SAMMSON: variants seen among roughly 807,000 people sequenced by gnomAD.
The protein encoded by SAMMSON is long intergenic non-protein coding RNA 1212.
At chr3:70,097,221 A>G (rs17006735) in intron 4 of SAMMSON, among the ~76,000 whole-genome samples, 2,072 of 152,320 alleles carry the variant, frequency 0.014, 45 homozygotes, top group African/African-American at 0.047. Flanking sequence ...AGCAGTCAGA[A>G]TTGTTGTTCA....
At chr3:70,159,499 C>T (rs1466205828) in intron 4 of SAMMSON, 1 of 152,050 alleles carries the variant, frequency 6.6e-6, no homozygotes, top group Non-Finnish European at 1.5e-5. Context: ...TTGTACCATT[C>T]ATACATTGAT....
At chr3:70,337,071 CTAA>C in intron 7 of SAMMSON, among the ~76,000 whole-genome samples, 1 of 77,988 alleles carries the variant, frequency 1.3e-5, no homozygotes, top group Admixed American at 1.3e-4. Flanking sequence ...ATAATAATAT[CTAA>C]CTTAATATTC....
At chr3:70,353,080 T>A (rs1209588779) in intron 7 of SAMMSON, among the ~76,000 whole-genome samples, 2 of 151,956 alleles carry the variant, frequency 1.3e-5, no homozygotes, top group Non-Finnish European at 2.9e-5. Context: ...TATTTAAAAT[T>A]TATCTTATAA....
chr3:70,149,722 C>T (rs561490667), intron 4 of SAMMSON, among the ~76,000 whole-genome samples: 1 of 152,124 alleles, frequency 6.6e-6, no homozygotes, highest in African/African-American at 2.4e-5. Context: ...ATTATGTTGT[C>T]CCAAGCTGTC....
chr3:70,287,014 T>G (rs1702172680), intron 6 of SAMMSON, among the ~76,000 whole-genome samples: 1 of 149,202 alleles, frequency 6.7e-6, no homozygotes, highest in Non-Finnish European at 1.5e-5. Context: ...CAGGGACAAT[T>G]TGACTTCCTC....
chr3:70,360,763 T>A (rs974435856), intron 9 of SAMMSON, among the ~76,000 whole-genome samples: 7 of 152,124 alleles, frequency 4.6e-5, no homozygotes, highest in Admixed American at 1.3e-4. Context: ...TGGAAAAAAA[T>A]TCATATTTTG....
rs188175846 is a variant in SAMMSON, at chr3:70,202,338, C to T, written n.508-46769C>T. On this transcript the variant is annotated intron_variant and non_coding_transcript_variant, in intron 4 of 9. Transcript: ENST00000642114. Reference sequence around the variant, plus strand: ...TAGTGGTTAGTGACTAGTAGTCTATCTGACAACAGTTAGTACTAGTGGTCT... The same window carrying T: ...TAGTGGTTAGTGACTAGTAGTCTATTTGACAACAGTTAGTACTAGTGGTCT... Among the ~76,000 whole-genome samples, 14 of 152,258 alleles carry T rather than the reference C, an allele frequency of 9.2e-5. No homozygotes were observed. The East Asian group carries it at 2.5e-3, about 27-fold the overall frequency.
At chr3:70,119,735 G>A (rs543252996) in intron 4 of SAMMSON, among the ~76,000 whole-genome samples, 56 of 152,198 alleles carry the variant, frequency 3.7e-4, no homozygotes, top group African/African-American at 1.1e-3. Context: ...TTTTTAATTT[G>A]TGTGTAAACA....
intron 4 of SAMMSON, chr3:70,196,876 A>T: frequency 2.5e-6 from 1 of 398,256 alleles, no homozygotes; most frequent in Non-Finnish European, 4.4e-6. Context: ...TTGTAATGGA[A>T]TTTCCCACCG....
At chr3:70,391,119 T>C (rs978062757), downstream of SAMMSON, among the ~76,000 whole-genome samples, 2 of 152,166 alleles carry the variant, frequency 1.3e-5, no homozygotes, top group South Asian at 2.1e-4. Context: ...TCCCTTCACC[T>C]TCGCAGCTGA....
chr3:70,160,793 TACC>T (rs1462981900), intron 4 of SAMMSON, among the ~76,000 whole-genome samples: 4 of 152,080 alleles, frequency 2.6e-5, no homozygotes, highest in African/African-American at 7.2e-5. Flanking sequence ...GGAGCATAAT[TACC>T]ATCTTAATTC....
chr3:70,200,429 T>C (rs1236729885), intron 4 of SAMMSON, among the ~76,000 whole-genome samples: 1 of 152,170 alleles, frequency 6.6e-6, no homozygotes, highest in Non-Finnish European at 1.5e-5. Context: ...CCACACTGAC[T>C]AAATTGCAGT....
intron 6 of SAMMSON, among the ~76,000 whole-genome samples, chr3:70,287,525 T>A (rs910023357): frequency 6.6e-6 from 1 of 151,930 alleles, no homozygotes; most frequent in African/African-American, 2.4e-5. Context: ...TTCTCTTTTT[T>A]GGTTGTGTCT....
intron 7 of SAMMSON, among the ~76,000 whole-genome samples, chr3:70,316,118 A>G (rs1217506919): frequency 1.3e-5 from 2 of 152,160 alleles, no homozygotes; most frequent in Non-Finnish European, 2.9e-5. Context: ...CAGAAATATA[A>G]TCTTTAAGGG....
chr3:70,019,453 C>T (rs1157623840), intron 3 of SAMMSON, among the ~76,000 whole-genome samples: 3 of 152,138 alleles, frequency 2.0e-5, no homozygotes, highest in African/African-American at 2.4e-5. Flanking sequence ...TCCTCCATCC[C>T]TTTATTTTGA....
In SAMMSON at chr3:70,382,606, G is replaced by A. The variant is rs143813999; in HGVS notation, n.914-6968G>A. The stretch of plus-strand genomic sequence containing the variant: ...TCTCCCTGGATGGCTCTTTCAAAAT[G>A]TTTGTATTTTTTTCAAGCAGATAGC... On this transcript the variant is annotated intron_variant and non_coding_transcript_variant, in intron 9 of 9. Transcript: ENST00000642114. Among the ~76,000 whole-genome samples, 3 of 151,706 alleles carry A rather than the reference G, an allele frequency of 2.0e-5. No homozygotes were observed. In the East Asian group the frequency reaches 5.9e-4, roughly 30 times the overall value.
chr3:70,231,718 A>T (rs1701561523), intron 4 of SAMMSON, among the ~76,000 whole-genome samples: 1 of 152,196 alleles, frequency 6.6e-6, no homozygotes, highest in Non-Finnish European at 1.5e-5. Context: ...CACGGAGAGA[A>T]GAAATGGGAC....
At chr3:70,288,790 A>T (rs1367990003) in intron 6 of SAMMSON, among the ~76,000 whole-genome samples, 1 of 151,722 alleles carries the variant, frequency 6.6e-6, no homozygotes, top group Admixed American at 6.6e-5. Flanking sequence ...TTCTTGTTGA[A>T]TTGATCCCTT....
intron 6 of SAMMSON, among the ~76,000 whole-genome samples, chr3:70,289,467 A>G (rs201721283): frequency 0.054 from 7,973 of 148,800 alleles, 435 homozygotes; most frequent in East Asian, 0.35. Context: ...GGGTAACCCA[A>G]CCTTTCTCTC....
Sources: gnomAD v4.1 joint callset for allele counts (sites outside exome capture counted in the v4.1 genomes callset) on GRCh38, gnomAD v4.1.1 for gene constraint, MANE v1.5 for transcripts, NCBI Gene and HGNC (gene_info 2026-07-23, HGNC 2026-07-21) for gene names.